The following ADH6 variants were observed in gnomAD, a reference collection of about 807,000 sequenced individuals.
ADH6 encodes alcohol dehydrogenase 6.
Under a neutral mutation model 36.5 loss-of-function variants are expected in ADH6, and 34 were observed. That is an observed-to-expected ratio of 0.93 (90% CI 0.71 to 1.24). ADH6 has a LOEUF of 1.24. ADH6 is among the 50% of genes most tolerant of loss of function. The probability of loss-of-function intolerance (pLI) is 0.00; values close to 1 mark genes in which losing one functional copy is unlikely to be tolerated. For synonymous variants in ADH6, 161 were observed against 155.5 expected (o/e 1.04, Z -0.26); for missense variants, 440 against 447.0 (o/e 0.98, Z 0.14).
chr4:99,206,144 C>G (rs1394307245), intron 7 of ADH6, among the ~76,000 whole-genome samples: 1 of 151,984 alleles, frequency 6.6e-6, no homozygotes, highest in Non-Finnish European at 1.5e-5. Context: ...AATTCTAGGA[C>G]CACAGACGGG....
In ADH6 at chr4:99,204,211, C is replaced by T. The variant is rs755427883; in HGVS notation, c.*8G>A. The T allele has an allele frequency of 2.8e-5, 45 of 1,601,010 alleles. No homozygotes were observed. The highest frequency in any genetic ancestry group is 1.7e-4 in the Middle Eastern group (1 of 6,054). ...TATCCTTTGGGTCTTGCATGTATTA[C>T]ATTGTACTTAAAGTAACAGGATACA... On this transcript the variant is annotated 3_prime_UTR_variant, in exon 9 of 9. Coordinates refer to ENST00000394899, the MANE Select transcript of ADH6 (RefSeq NM_001102470.2).
At chr4:99,207,784 G>A (rs554499858) in intron 6 of ADH6, among the ~76,000 whole-genome samples, 116 of 152,004 alleles carry the variant, frequency 7.6e-4, no homozygotes, top group Non-Finnish European at 1.5e-3. Flanking sequence ...ATAGTACCTG[G>A]CACTTTAGGA....
rs543948789 is a variant in ADH6, at chr4:99,219,182, T to C, written c.-30A>G. The C allele has an allele frequency of 6.2e-7, 1 of 1,606,126 alleles. No individual in the cohort carries two copies. The highest frequency in any genetic ancestry group is 1.7e-5 in the Admixed American group (1 of 60,000). ...ATTTTCTCCACCGCAGATGAATTTA[T>C]TGAGAAAGGGAGATCCTGTAGCAAC... On this transcript the variant is annotated 5_prime_UTR_variant, in exon 1 of 9. Coordinates refer to ENST00000394899, the MANE Select transcript of ADH6 (RefSeq NM_001102470.2).
intron 3 of ADH6, among the ~76,000 whole-genome samples, chr4:99,212,520 A>C (rs1331847790): frequency 6.6e-6 from 1 of 152,146 alleles, no homozygotes; most frequent in Non-Finnish European, 1.5e-5. Context: ...TTTGAAATAT[A>C]GTATAATTCA....
chr4:99,214,280 T>C (rs913726516), intron 2 of ADH6, among the ~76,000 whole-genome samples: 1 of 152,068 alleles, frequency 6.6e-6, no homozygotes, highest in African/African-American at 2.4e-5. Context: ...TAGTCCAAGC[T>C]GCTTGGGAGG....
At chr4:99,210,367 A>G (rs1182410089) in intron 4 of ADH6, 48 bp downstream of exon 4, 4 of 1,593,572 alleles carry the variant, frequency 2.5e-6, no homozygotes, top group East Asian at 2.2e-5. Context: ...ATCTTCTCCA[A>G]TGAAAGTGAA....
At chr4:99,206,549 T>C (rs1731040989) in intron 7 of ADH6, among the ~76,000 whole-genome samples, 1 of 147,338 alleles carries the variant, frequency 6.8e-6, no homozygotes, top group African/African-American at 2.6e-5. Context: ...TAATAGATTA[T>C]ATATATAACT....
chr4:99,206,536 A>G lies in ADH6; in HGVS notation c.964+910T>C, dbSNP rs530478683. ...GAAGAACTGAAATTACAGTTCTTCTATTTAATAGATTATATATATAACTGG... is the reference window on the plus strand; with the variant it reads ...GAAGAACTGAAATTACAGTTCTTCTGTTTAATAGATTATATATATAACTGG... On this transcript the variant is annotated intron_variant, in intron 7 of 8. Transcript: ENST00000394899. Among the ~76,000 whole-genome samples, 15 of 151,466 alleles carry G rather than the reference A, an allele frequency of 9.9e-5. No homozygotes were observed. In the East Asian group the frequency reaches 2.0e-3, roughly 20 times the overall value.
chr4:99,218,027 C>G (rs1394247202), intron 1 of ADH6, among the ~76,000 whole-genome samples: 1 of 152,140 alleles, frequency 6.6e-6, no homozygotes, highest in East Asian at 1.9e-4. Context: ...GTGGTCTTAT[C>G]TATTTTTGCA....
Position 99,216,227 on chromosome 4 carries a change from A to T in ADH6, c.54T>A (p.Pro18=). 1 of 1,584,176 alleles carries T rather than the reference A, an allele frequency of 6.3e-7. No individual in the cohort carries two copies. The highest frequency in any genetic ancestry group is 8.6e-7 in the Non-Finnish European group (1 of 1,166,504). The change falls in exon 2 of 9, where the codon CCT becomes CCA. Residue 18 remains proline, a synonymous_variant. Transcript: ENST00000394899. ...IRCKAAILWK[P]GAPFSIEEVE... Reference sequence around the variant, plus strand: ...CCTCTTCAATAGAAAATGGTGCACCAGGCTTCCAGAGTATGGCTGCTTTGC... The same window carrying T: ...CCTCTTCAATAGAAAATGGTGCACCTGGCTTCCAGAGTATGGCTGCTTTGC...
chr4:99,208,668 C>T lies in ADH6; in HGVS notation c.828G>A (p.Leu276=). The part of the protein sequence containing the change: ...CFEAIGNLDV[L]AAALASCNES... ...ATTTTCACTCCAGAGGATTACATAC[C>T]AGAACGTCCAGATTTCCAATGGCCT... Residue 276 remains leucine (L), a splice_region_variant and synonymous_variant, in exon 6 of 9, where the codon CTG becomes CTA. Coordinates refer to ENST00000394899, the MANE Select transcript of ADH6 (RefSeq NM_001102470.2). 6.2e-7 allele frequency: 1 copy of T among 1,611,644 alleles called. No homozygotes were observed. Among genetic ancestry groups the T allele is most frequent in the Non-Finnish European group, 8.5e-7 (1 of 1,178,790 alleles).
At chr4:99,205,095 C>A in intron 7 of ADH6, 32 bp from the exon 8 acceptor site, 1 of 1,531,350 alleles carries the variant, frequency 6.5e-7, no homozygotes, top group Non-Finnish European at 8.8e-7. Context: ...GAATTTTACA[C>A]ATGAGGCTTC....
chr4:99,207,216 CCAAT>C (rs1731065990), intron 7 of ADH6, among the ~76,000 whole-genome samples: 1 of 151,848 alleles, frequency 6.6e-6, no homozygotes, highest in African/African-American at 2.4e-5. Flanking sequence ...GGATTCTTTA[CCAAT>C]CAATTAAGAA....
rs1731170935 is a variant in ADH6 at position 99,210,111 on chromosome 4, C to T, written c.538G>A (p.Gly180Arg). ...GCAGTATTGATTGCAGCACCAAACC[C>T]AGTGGAAAAGCCACAGCTAATTAGG... ...VCLISCGFST[G>R]FGAAINTAKV... Residue 180 changes from glycine to arginine, a missense_variant, in exon 5 of 9, where the codon GGG (glycine) becomes AGG (arginine). By Grantham distance (125) the Gly-to-Arg change is moderately radical. Transcript: ENST00000394899. 6.2e-7 allele frequency: 1 copy of T among 1,613,718 alleles called. No individual in the cohort carries two copies. Among genetic ancestry groups the T allele is most frequent in the Non-Finnish European group, 8.5e-7 (1 of 1,179,750 alleles).
rs1275956546 is a variant in ADH6, at chr4:99,203,582, A to G, written c.*637T>C. On this transcript the variant is annotated 3_prime_UTR_variant, in exon 9 of 9. Transcript: ENST00000394899. Reference sequence around the variant, plus strand: ...TGCTAAATGATCCACCTCCTGTATGATGACTCCCCTCATCCCTTTTTTTTC... The same window carrying G: ...TGCTAAATGATCCACCTCCTGTATGGTGACTCCCCTCATCCCTTTTTTTTC... 1 of 152,130 alleles carries G rather than the reference A, an allele frequency of 6.6e-6. No individual in the cohort carries two copies. Among genetic ancestry groups the G allele is most frequent in the South Asian group, 2.1e-4 (1 of 4,830 alleles). The allele number at this position is 152,130 out of a possible 1,614,324, so 9.4% of individuals were successfully genotyped here. A position where few individuals can be genotyped will look rare whatever the true frequency, so the allele number is the denominator to read the frequency against.
chr4:99,216,292 G>T, intron 1 of ADH6, 30 bp from the exon 2 acceptor site: 1 of 1,437,798 alleles, frequency 7.0e-7, no homozygotes. Flanking sequence ...GGCAGAAAGA[G>T]AAGCTCCTTA....
At chr4:99,210,777 A>G (rs1241802213) in intron 3 of ADH6, among the ~76,000 whole-genome samples, 1 of 152,146 alleles carries the variant, frequency 6.6e-6, no homozygotes, top group East Asian at 1.9e-4. Context: ...AGTATGAAAT[A>G]GTTTTTTGTC....
chr4:99,214,482 T>C (rs1287660854), intron 2 of ADH6, among the ~76,000 whole-genome samples: 1 of 152,224 alleles, frequency 6.6e-6, no homozygotes, highest in East Asian at 1.9e-4. Flanking sequence ...TAATTTATTT[T>C]ACAAGTGAGC....
intron 6 of ADH6, among the ~76,000 whole-genome samples, 169 bp from the exon 7 acceptor site, chr4:99,207,750 A>G (rs1731087336): frequency 6.6e-6 from 1 of 152,182 alleles, no homozygotes; most frequent in African/African-American, 2.4e-5. Context: ...TGAAACACAT[A>G]TAAGACGTTG....
Sources: allele counts gnomAD v4.1 joint callset (sites outside exome capture counted in the v4.1 genomes callset), GRCh38; gene constraint gnomAD v4.1.1; transcripts MANE v1.5; gene names NCBI Gene and HGNC (gene_info 2026-07-23, HGNC 2026-07-21).